UBAC2: variants seen among roughly 807,000 people sequenced by gnomAD.
UBAC2 encodes UBA domain containing 2, also known as ubiquitin-associated domain-containing protein 2.
UBAC2 carries 26 observed loss-of-function variants against 44.0 expected under a neutral mutation model. That is an observed-to-expected ratio of 0.59 (90% CI 0.43 to 0.82). The LOEUF (loss-of-function observed/expected upper bound fraction) is 0.82. UBAC2 is among the 40% of genes least tolerant of loss of function. UBAC2 has a pLI of 0.00. For missense variants in UBAC2, 329 were observed against 419.4 expected (o/e 0.78, Z 1.88); for synonymous variants, 155 against 154.3 (o/e 1.00, Z -0.04).
intron 7 of UBAC2, among the ~76,000 whole-genome samples, chr13:99,366,019 A>G (rs867946360): frequency 6.6e-6 from 1 of 152,312 alleles, no homozygotes; most frequent in South Asian, 2.1e-4. Context: ...TAGCAACAAC[A>G]GCTTTCTTTG....
At chr13:99,380,402 T>A (rs1470223642) in intron 8 of UBAC2, among the ~76,000 whole-genome samples, 1 of 152,116 alleles carries the variant, frequency 6.6e-6, no homozygotes. Flanking sequence ...AGAGGAATAG[T>A]GAGAGCCACA....
chr13:99,338,895 C>T (rs746434946), intron 6 of UBAC2, among the ~76,000 whole-genome samples: 1 of 152,198 alleles, frequency 6.6e-6, no homozygotes, highest in Non-Finnish European at 1.5e-5. Context: ...CCCTTCTCTT[C>T]ACTGGCAGCC....
chr13:99,359,145 A>G (rs2045230369), intron 7 of UBAC2, among the ~76,000 whole-genome samples: 1 of 152,228 alleles, frequency 6.6e-6, no homozygotes, highest in Non-Finnish European at 1.5e-5. Flanking sequence ...GCGGGATGCC[A>G]CAAAGCCTGG....
At chr13:99,254,948 T>G (rs1233704209) in intron 4 of UBAC2, 1 of 1,614,084 alleles carries the variant, frequency 6.2e-7, no homozygotes, top group Non-Finnish European at 8.5e-7. Context: ...CTGCGCATGC[T>G]TCGAAGGTAA....
intron 6 of UBAC2, among the ~76,000 whole-genome samples, chr13:99,333,856 C>T (rs1028302615): frequency 2.0e-5 from 3 of 152,130 alleles, no homozygotes; most frequent in Admixed American, 6.5e-5. Context: ...GCCTCCCCCC[C>T]ATAAATTAAG....
intron 1 of UBAC2, among the ~76,000 whole-genome samples, chr13:99,229,469 A>G (rs529908479): frequency 3.8e-4 from 58 of 152,344 alleles, no homozygotes; most frequent in African/African-American, 1.3e-3. Context: ...AAAGCAATGG[A>G]TGTTGTGCTG....
At chr13:99,275,607 C>A (rs947365675) in intron 4 of UBAC2, among the ~76,000 whole-genome samples, 1 of 152,090 alleles carries the variant, frequency 6.6e-6, no homozygotes, top group African/African-American at 2.4e-5. Context: ...TTATCCCTCT[C>A]ATATTGAGGA....
chr13:99,215,632 C>T, intron 1 of UBAC2: 1 of 1,330,152 alleles, frequency 7.5e-7, no homozygotes, highest in Non-Finnish European at 1.1e-6. Flanking sequence ...TGTCTGTGAC[C>T]CGTCGTCCTA....
chr13:99,342,151 C>G (rs895882469), intron 7 of UBAC2, among the ~76,000 whole-genome samples: 2 of 152,172 alleles, frequency 1.3e-5, no homozygotes, highest in East Asian at 3.8e-4. Flanking sequence ...GCGAAGGCAG[C>G]AAGATGGGAC....
chr13:99,238,537 G>T lies in UBAC2; in HGVS notation c.142G>T (p.Val48Phe), dbSNP rs1232712730. 1 of 1,608,800 alleles carries T rather than the reference G, an allele frequency of 6.2e-7. No homozygotes were observed. Among genetic ancestry groups the T allele is most frequent in the Non-Finnish European group, 8.5e-7 (1 of 1,177,118 alleles). The change falls in exon 2 of 9, where the codon GTC (valine) becomes TTC (phenylalanine). Residue 48 changes from valine to phenylalanine, a missense_variant. By Grantham distance (50) the Val-to-Phe change is conservative. Transcript: ENST00000403766. ...QKLFVYDLHAVKNDFQIWRLI... is the reference protein window; with the variant it reads ...QKLFVYDLHAFKNDFQIWRLI... ...GCTCTTTGTGTATGACCTTCACGCA[G>T]TCAAGAACGACTTCCAGGTAAGCTC...
chr13:99,268,971 G>C (rs923240957), intron 4 of UBAC2, among the ~76,000 whole-genome samples: 14 of 152,176 alleles, frequency 9.2e-5, no homozygotes, highest in African/African-American at 3.1e-4. Context: ...AGTGAAAGAG[G>C]AGTTAAATAA....
At chr13:99,281,196 A>C (rs1043880134) in intron 4 of UBAC2, among the ~76,000 whole-genome samples, 5 of 149,952 alleles carry the variant, frequency 3.3e-5, no homozygotes, top group Admixed American at 6.6e-5. Flanking sequence ...CTCAAAAAAA[A>C]CAAAACAAAA....
chr13:99,333,056 G>T (rs1398905462), intron 6 of UBAC2, among the ~76,000 whole-genome samples: 1 of 152,132 alleles, frequency 6.6e-6, no homozygotes, highest in African/African-American at 2.4e-5. Context: ...GAAGCCAGGA[G>T]TTTGAGACCA....
intron 6 of UBAC2, among the ~76,000 whole-genome samples, chr13:99,334,595 C>T (rs78566377): frequency 0.011 from 1,708 of 152,002 alleles, 39 homozygotes; most frequent in African/African-American, 0.039. Context: ...ATATTATGCT[C>T]AATTTTGAAT....
intron 6 of UBAC2, among the ~76,000 whole-genome samples, chr13:99,324,874 T>A (rs2044616716): frequency 6.6e-6 from 1 of 152,148 alleles, no homozygotes; most frequent in African/African-American, 2.4e-5. Flanking sequence ...ACACTTGATT[T>A]TCTGTATGAA....
At chr13:99,270,733 C>T (rs2043804874) in intron 4 of UBAC2, among the ~76,000 whole-genome samples, 1 of 152,184 alleles carries the variant, frequency 6.6e-6, no homozygotes. Flanking sequence ...AGATGATTTT[C>T]AGTACATTGC....
intron 1 of UBAC2, among the ~76,000 whole-genome samples, chr13:99,213,038 T>C (rs1316252907): frequency 6.6e-6 from 1 of 152,232 alleles, no homozygotes; most frequent in African/African-American, 2.4e-5. Flanking sequence ...GTCATTCTTT[T>C]AGACTTTTTC....
At chr13:99,319,082 G>A (rs2044534879) in intron 6 of UBAC2, among the ~76,000 whole-genome samples, 1 of 152,178 alleles carries the variant, frequency 6.6e-6, no homozygotes, top group Non-Finnish European at 1.5e-5. Flanking sequence ...GGTTGGACCT[G>A]ACCAAAGTCT....
At chr13:99,333,930 T>C (rs1363834742) in intron 6 of UBAC2, among the ~76,000 whole-genome samples, 1 of 152,144 alleles carries the variant, frequency 6.6e-6, no homozygotes, top group Non-Finnish European at 1.5e-5. Flanking sequence ...ATTATATTTT[T>C]CTTAATTTAT....
Sources: allele counts gnomAD v4.1 joint callset (sites outside exome capture counted in the v4.1 genomes callset), GRCh38; gene constraint gnomAD v4.1.1; transcripts MANE v1.5; gene names NCBI Gene and HGNC (gene_info 2026-07-23, HGNC 2026-07-21).